ITGB1BP1: variants seen among roughly 807,000 people sequenced by gnomAD.
The protein encoded by ITGB1BP1 is integrin subunit beta 1 binding protein 1.
ITGB1BP1 carries 20 observed loss-of-function variants against 28.0 expected under a neutral mutation model. That is an observed-to-expected ratio of 0.71 (90% CI 0.50 to 1.04). The LOEUF (loss-of-function observed/expected upper bound fraction) is 1.04, where lower values mean the gene tolerates loss of function less well. Ranked by LOEUF, ITGB1BP1 falls within the 50% of genes least tolerant of loss-of-function variation. The pLI, the probability that ITGB1BP1 is intolerant of heterozygous loss-of-function variation, is 0.00. For missense variants in ITGB1BP1, 228 were observed against 242.5 expected, an observed-to-expected ratio of 0.94 and a Z score of 0.40; for synonymous variants, 103 against 89.5, an observed-to-expected ratio of 1.15 and a Z score of -0.85.
intron 1 of ITGB1BP1, chr2:9,420,192 C>CT (rs1335887884): frequency 4.4e-6 from 1 of 228,174 alleles, no homozygotes; most frequent in East Asian, 1.8e-4. Flanking sequence ...AGACCCCACT[C>CT]TAAGTCCACT....
At position 9,418,718 on chromosome 2, in the gene ITGB1BP1, T is replaced by C; in HGVS notation, c.-21A>G. 3.1e-6 allele frequency: 5 copies of C among 1,613,160 alleles called. No homozygotes were observed. Among genetic ancestry groups the C allele is most frequent in the Non-Finnish European group, 4.2e-6 (5 of 1,179,342 alleles). On this transcript the variant is annotated 5_prime_UTR_variant, in exon 2 of 7. Coordinates refer to ENST00000355346, the MANE Select transcript of ITGB1BP1 (RefSeq NM_004763.5). ...AACATTTTTCACCACCATTGCTTGATCCAGAGAAGATCCCCTGAAAAAACA... is the reference window on the plus strand; with the variant it reads ...AACATTTTTCACCACCATTGCTTGACCCAGAGAAGATCCCCTGAAAAAACA...
rs528949305 is a variant in ITGB1BP1 at position 9,404,866 on chromosome 2, A to G, written c.*1968T>C. The G allele has an allele frequency of 8.5e-5, 13 of 152,428 alleles. No individual in the cohort carries two copies. Among genetic ancestry groups the G allele is most frequent in the African/African-American group, 3.1e-4 (13 of 41,454 alleles). The allele number at this position is 152,428 out of a possible 1,614,324, so 9.4% of individuals were successfully genotyped here. A position where few individuals can be genotyped will look rare whatever the true frequency, so the allele number is the denominator to read the frequency against. The stretch of plus-strand genomic sequence containing the variant: ...AAAGTTCCGGGTAAAAATGTGTTAT[A>G]TCTGTAGTTTTTTGTTTTTGTTTTT... On this transcript the variant is annotated 3_prime_UTR_variant, in exon 7 of 7. Coordinates refer to ENST00000355346, the MANE Select transcript of ITGB1BP1 (RefSeq NM_004763.5).
chr2:9,407,986 A>G (rs1028169422), intron 5 of ITGB1BP1, 127 bp downstream of exon 5: 1 of 643,426 alleles, frequency 1.6e-6, no homozygotes, highest in Admixed American at 2.9e-5. Flanking sequence ...TTTAAGACCA[A>G]CTGCCAGGAA....
At chr2:9,409,268 A>C (rs1375142948) in intron 4 of ITGB1BP1, among the ~76,000 whole-genome samples, 1 of 152,240 alleles carries the variant, frequency 6.6e-6, no homozygotes, top group African/African-American at 2.4e-5. Flanking sequence ...ACTCGCCCAC[A>C]TTAAAGACAT....
At chr2:9,416,759 C>T (rs756374183) in intron 2 of ITGB1BP1, among the ~76,000 whole-genome samples, 31 of 152,192 alleles carry the variant, frequency 2.0e-4, no homozygotes, top group African/African-American at 5.1e-4. Flanking sequence ...CATTACCTCA[C>T]GCACCTTCAT....
chr2:9,423,456 T>G lies in ITGB1BP1; in HGVS notation c.-119A>C. On this transcript the variant is annotated 5_prime_UTR_variant, in exon 1 of 7. Transcript: ENST00000355346. The stretch of plus-strand genomic sequence containing the variant: ...CGGCCTTTGGCGCCCAGGCAGCTAC[T>G]CCCGTTCCCGCTCCAGCGCCGGCTT... 8.6e-7 allele frequency: 1 copy of G among 1,167,184 alleles called. No homozygotes were observed. Among genetic ancestry groups the G allele is most frequent in the South Asian group, 1.9e-5 (1 of 53,832 alleles). 72.3% of individuals were successfully genotyped at this position (1,167,184 alleles called of 1,614,324 possible). A position where few individuals can be genotyped will look rare whatever the true frequency, so the allele number is the denominator to read the frequency against.
chr2:9,411,307 G>A (rs905243044), intron 4 of ITGB1BP1, among the ~76,000 whole-genome samples: 12 of 152,204 alleles, frequency 7.9e-5, no homozygotes, highest in Admixed American at 7.2e-4. Flanking sequence ...TTGAGAGACA[G>A]AACTGGTCTG....
chr2:9,423,298 C>A, intron 1 of ITGB1BP1, 75 bp downstream of exon 1: 2 of 1,220,640 alleles, frequency 1.6e-6, no homozygotes, highest in African/African-American at 3.3e-5. Context: ...TGGCCGTCCG[C>A]GCCGCTCTCG....
intron 1 of ITGB1BP1, among the ~76,000 whole-genome samples, chr2:9,421,503 T>C (rs1314431642): frequency 6.6e-6 from 1 of 151,934 alleles, no homozygotes; most frequent in Non-Finnish European, 1.5e-5. Context: ...CTGGCTAACA[T>C]GGTGAAACCC....
chr2:9,408,231 A>T (rs958699444), intron 4 of ITGB1BP1, 26 bp from the exon 5 acceptor site: 1 of 1,360,014 alleles, frequency 7.4e-7, no homozygotes, highest in Non-Finnish European at 1.1e-6. Flanking sequence ...AAATTCCATG[A>T]TAAAGATTAA....
At chr2:9,412,169 G>C in intron 4 of ITGB1BP1, 100 bp downstream of exon 4, 1 of 979,760 alleles carries the variant, frequency 1.0e-6, no homozygotes, top group Non-Finnish European at 1.6e-6. Flanking sequence ...CAAGCGGAGC[G>C]GCACCCAGTG....
intron 1 of ITGB1BP1, chr2:9,423,049 AGAGGCGG>A: frequency 1.0e-6 from 1 of 997,956 alleles, no homozygotes; most frequent in Non-Finnish European, 1.2e-6. Flanking sequence ...CCCGACCCTG[AGAGGCGG>A]GAGGCGGCCG....
In ITGB1BP1 at chr2:9,404,502, G is replaced by A. The variant is rs1302941272; in HGVS notation, c.*2332C>T. The A allele has an allele frequency of 6.6e-6, 1 of 152,214 alleles. No homozygotes were observed. The highest frequency in any genetic ancestry group is 1.5e-5 in the Non-Finnish European group (1 of 68,034). The allele number at this position is 152,214 out of a possible 1,614,324, so 9.4% of individuals were successfully genotyped here. On this transcript the variant is annotated 3_prime_UTR_variant, in exon 7 of 7. Transcript: ENST00000355346. ...CAAAACTCATTCGTTTAATGAACTT[G>A]ACTGTCATACCTCTATTTAGTAATT...
At chr2:9,412,524 T>C in intron 3 of ITGB1BP1, 119 bp from the exon 4 acceptor site, 1 of 775,414 alleles carries the variant, frequency 1.3e-6, no homozygotes, top group Non-Finnish European at 2.0e-6. Flanking sequence ...AATTACAAAT[T>C]TTATAATACA....
intron 3 of ITGB1BP1, among the ~76,000 whole-genome samples, chr2:9,413,892 G>C (rs1341997248): frequency 6.6e-6 from 1 of 152,022 alleles, no homozygotes; most frequent in Non-Finnish European, 1.5e-5. Flanking sequence ...GTACATAGTA[G>C]GTGTATGTAT....
At chr2:9,416,362 C>T (rs1416562470) in intron 2 of ITGB1BP1, among the ~76,000 whole-genome samples, 1 of 152,084 alleles carries the variant, frequency 6.6e-6, no homozygotes, top group African/African-American at 2.4e-5. Context: ...ATGAGATTAA[C>T]GTCTACACCA....
At chr2:9,407,986 A>T in intron 5 of ITGB1BP1, 127 bp downstream of exon 5, 1 of 643,544 alleles carries the variant, frequency 1.6e-6, no homozygotes, top group Non-Finnish European at 2.8e-6. Context: ...TTTAAGACCA[A>T]CTGCCAGGAA....
At chr2:9,408,247 C>T (rs1012972934) in intron 4 of ITGB1BP1, 42 bp from the exon 5 acceptor site, 1 of 1,214,804 alleles carries the variant, frequency 8.2e-7, no homozygotes, top group East Asian at 2.3e-5. Flanking sequence ...ATTAAAATTA[C>T]ATAATAGTCT....
At chr2:9,421,161 T>G (rs867082380) in intron 1 of ITGB1BP1, among the ~76,000 whole-genome samples, 1 of 152,240 alleles carries the variant, frequency 6.6e-6, no homozygotes, top group Non-Finnish European at 1.5e-5. Context: ...ATTTTAAATA[T>G]GATTTGAATT....
Sources: gnomAD v4.1 joint callset for allele counts (sites outside exome capture counted in the v4.1 genomes callset) on GRCh38, gnomAD v4.1.1 for gene constraint, MANE v1.5 for transcripts, NCBI Gene and HGNC (gene_info 2026-07-23, HGNC 2026-07-21) for gene names.